Variants in IGSF21 observed in about 807,000 individuals in gnomAD.
The protein encoded by IGSF21 is immunoglobulin superfamily member 21.
In IGSF21, 28 loss-of-function variants were observed where a neutral mutation model predicts 46.8. That is an observed-to-expected ratio of 0.60 (90% confidence interval 0.44 to 0.82). IGSF21 has a LOEUF of 0.82. Among genes scored for constraint, IGSF21 ranks in the 40% least tolerant of loss-of-function variants. IGSF21 has a pLI of 0.00. For missense variants in IGSF21, 624 were observed against 665.5 expected, an observed-to-expected ratio of 0.94 and a Z score of 0.69; for synonymous variants, 284 against 273.6, an observed-to-expected ratio of 1.04 and a Z score of -0.38.
intron 2 of IGSF21, among the ~76,000 whole-genome samples, chr1:18,243,314 C>T (rs1450718580): frequency 6.6e-6 from 1 of 152,168 alleles, no homozygotes; most frequent in Non-Finnish European, 1.5e-5. Flanking sequence ...TCACCATCCA[C>T]CAGTTTCCGA....
chr1:18,230,197 G>C (rs1366179824), intron 2 of IGSF21, among the ~76,000 whole-genome samples: 1 of 152,216 alleles, frequency 6.6e-6, no homozygotes, highest in South Asian at 2.1e-4. Context: ...TTGACTTGAT[G>C]TTCTTGAAGA....
chr1:18,266,329 A>G (rs2084989679), intron 2 of IGSF21, among the ~76,000 whole-genome samples: 2 of 152,190 alleles, frequency 1.3e-5, no homozygotes, highest in Admixed American at 6.5e-5. Context: ...AAGAGCCCAA[A>G]TTCTTGACCA....
intron 2 of IGSF21, among the ~76,000 whole-genome samples, chr1:18,245,437 TG>T (rs2084775207): frequency 6.6e-6 from 1 of 152,206 alleles, no homozygotes; most frequent in Non-Finnish European, 1.5e-5. Flanking sequence ...CTCAAGTATT[TG>T]TTTTTTTATT....
chr1:18,112,257 A>C (rs1455463299), intron 1 of IGSF21: 1 of 152,244 alleles, frequency 6.6e-6, no homozygotes, highest in African/African-American at 2.4e-5. Context: ...TCATGCATCC[A>C]ACAAATGCTT....
intron 1 of IGSF21, among the ~76,000 whole-genome samples, chr1:18,179,710 G>A (rs2086838329): frequency 6.6e-6 from 1 of 152,124 alleles, no homozygotes; most frequent in Non-Finnish European, 1.5e-5. Context: ...GCTTGGGGGT[G>A]AGGGTCTCCA....
intron 1 of IGSF21, among the ~76,000 whole-genome samples, chr1:18,148,260 A>G (rs2086488836): frequency 6.6e-6 from 1 of 151,072 alleles, no homozygotes; most frequent in South Asian, 2.1e-4. Context: ...CCTCCAGAGT[A>G]GCTGGGACTA....
At chr1:18,266,449 G>T (rs1014193033) in intron 2 of IGSF21, among the ~76,000 whole-genome samples, 1 of 152,220 alleles carries the variant, frequency 6.6e-6, no homozygotes, top group Non-Finnish European at 1.5e-5. Flanking sequence ...AGGTGGATGA[G>T]CTAGGTAGCT....
chr1:18,256,189 C>T (rs187500014), intron 2 of IGSF21, among the ~76,000 whole-genome samples: 2 of 152,270 alleles, frequency 1.3e-5, no homozygotes, highest in Admixed American at 1.3e-4. Flanking sequence ...GCTGTATATG[C>T]CCTCCTGTAT....
At chr1:18,131,104 T>A (rs755554963) in intron 1 of IGSF21, among the ~76,000 whole-genome samples, 1 of 152,162 alleles carries the variant, frequency 6.6e-6, no homozygotes. Flanking sequence ...TCCCCGTGGA[T>A]TGAGAAAAAC....
chr1:18,287,747 C>A (rs2085229151), intron 2 of IGSF21, among the ~76,000 whole-genome samples: 1 of 152,162 alleles, frequency 6.6e-6, no homozygotes, highest in Non-Finnish European at 1.5e-5. Context: ...TTTGAAGCTG[C>A]TACGATGACT....
chr1:18,168,935 G>A (rs1047253486), intron 1 of IGSF21, among the ~76,000 whole-genome samples: 6 of 152,190 alleles, frequency 3.9e-5, no homozygotes, highest in Non-Finnish European at 4.4e-5. Flanking sequence ...GGACAGCCCC[G>A]AGGGGCCCCG....
intron 4 of IGSF21, among the ~76,000 whole-genome samples, chr1:18,338,119 T>C (rs1427687545): frequency 6.6e-6 from 1 of 151,860 alleles, no homozygotes; most frequent in East Asian, 1.9e-4. Context: ...TTGGCCGAGG[T>C]TGGAGGGTTA....
chr1:18,339,814 G>C (rs994657681), intron 4 of IGSF21, among the ~76,000 whole-genome samples: 5 of 152,116 alleles, frequency 3.3e-5, no homozygotes, highest in African/African-American at 1.2e-4. Flanking sequence ...GAACATGTAG[G>C]AGTCTGGAAG....
At chr1:18,257,089 G>T (rs1456468491) in intron 2 of IGSF21, among the ~76,000 whole-genome samples, 1 of 152,156 alleles carries the variant, frequency 6.6e-6, no homozygotes, top group East Asian at 1.9e-4. Flanking sequence ...TCTCAGAGTT[G>T]CTAGGGCCTC....
chr1:18,312,930 C>T (rs771858220), intron 3 of IGSF21, among the ~76,000 whole-genome samples: 1 of 152,204 alleles, frequency 6.6e-6, no homozygotes, highest in African/African-American at 2.4e-5. Context: ...TGTTGCAACA[C>T]GGACTGCCTT....
chr1:18,291,755 G>A (rs2085269101), intron 2 of IGSF21, 111 bp from the exon 3 acceptor site: 2 of 1,298,680 alleles, frequency 1.5e-6, no homozygotes, highest in Non-Finnish European at 2.2e-6. Flanking sequence ...CTCAGGATGG[G>A]GGCTGTCCTT....
At chr1:18,193,287 T>C (rs1455404602) in intron 1 of IGSF21, among the ~76,000 whole-genome samples, 1 of 152,118 alleles carries the variant, frequency 6.6e-6, no homozygotes, top group African/African-American at 2.4e-5. Flanking sequence ...GGGCCAGTGC[T>C]TACAGGGCCC....
chr1:18,334,740 T>A lies in IGSF21; in HGVS notation c.306-152T>A, dbSNP rs1439141811. ...GCACAGGGTCTGCATACAGTCGGTG[T>A]TCCATAAATGCTCCCCTCCTCCCAG... On this transcript the variant is annotated intron_variant, in intron 3 of 9. Coordinates refer to ENST00000251296, the MANE Select transcript of IGSF21 (RefSeq NM_032880.5). This position sits in a 1 kb window ranked among gnomAD's most constrained non-coding sequence, Gnocchi z 4.3. 1.5e-6 allele frequency: 1 copy of A among 675,036 alleles called. No individual in the cohort carries two copies. Among genetic ancestry groups the A allele is most frequent in the African/African-American group, 1.8e-5 (1 of 56,438 alleles). 41.8% of individuals were successfully genotyped at this position (675,036 alleles called of 1,614,324 possible). A position where few individuals can be genotyped will look rare whatever the true frequency, so the allele number is the denominator to read the frequency against.
intron 3 of IGSF21, among the ~76,000 whole-genome samples, chr1:18,293,013 G>A (rs2085282046): frequency 6.6e-6 from 1 of 152,216 alleles, no homozygotes; most frequent in Non-Finnish European, 1.5e-5. Flanking sequence ...CTGCAGCCCC[G>A]GCAAGCCCAC....
Sources: gnomAD v4.1 joint callset for allele counts (sites outside exome capture counted in the v4.1 genomes callset) on GRCh38, gnomAD v4.1.1 for gene constraint, Gnocchi (gnomAD v3.1) non-coding constraint, MANE v1.5 for transcripts, NCBI Gene and HGNC (gene_info 2026-07-23, HGNC 2026-07-21) for gene names.